The following PRKG1 variants were observed in gnomAD, a reference collection of about 807,000 sequenced individuals.
The protein encoded by PRKG1 is cGMP-dependent protein kinase 1.
Under a neutral mutation model 88.1 loss-of-function variants are expected in PRKG1, and 35 were observed. That is an observed-to-expected ratio of 0.40 (90% CI 0.30 to 0.53). The LOEUF is 0.53. Ranked by LOEUF, PRKG1 falls within the 20% of genes least tolerant of loss-of-function variation. PRKG1 has a pLI of 0.59. For synonymous variants in PRKG1, 303 were observed against 292.5 expected, an observed-to-expected ratio of 1.04 and a Z score of -0.37; for missense variants, 540 against 839.8, an observed-to-expected ratio of 0.64 and a Z score of 4.41.
At chr10:52,105,435 G>T (rs78326059) in intron 7 of PRKG1, among the ~76,000 whole-genome samples, 1,527 of 152,208 alleles carry the variant, frequency 0.01, 22 homozygotes, top group African/African-American at 0.031. Context: ...ACCCTGAAGG[G>T]CCACGTAGAA....
At chr10:51,075,340 A>C (rs941259377) in intron 1 of PRKG1, among the ~76,000 whole-genome samples, 1 of 152,128 alleles carries the variant, frequency 6.6e-6, no homozygotes, top group African/African-American at 2.4e-5. Context: ...CATACTTTCT[A>C]TGCTTTTGTG....
intron 8 of PRKG1, among the ~76,000 whole-genome samples, chr10:52,142,491 T>C (rs1376072390): frequency 6.6e-6 from 1 of 152,160 alleles, no homozygotes; most frequent in Non-Finnish European, 1.5e-5. Flanking sequence ...AATATTTTCA[T>C]TGAATTAAAT....
chr10:51,836,732 A>G (rs74132451), intron 4 of PRKG1, among the ~76,000 whole-genome samples: 1,953 of 152,310 alleles, frequency 0.013, 52 homozygotes, highest in African/African-American at 0.045. Flanking sequence ...TAATCCTATT[A>G]AAAATAAACA....
At chr10:51,190,035 G>A (rs1365071465) in intron 2 of PRKG1, among the ~76,000 whole-genome samples, 2 of 151,908 alleles carry the variant, frequency 1.3e-5, no homozygotes, top group Non-Finnish European at 1.5e-5. Context: ...CCTTAGAAAT[G>A]TGAAGTCAAA....
chr10:51,735,084 C>T (rs1290270834), intron 3 of PRKG1, among the ~76,000 whole-genome samples: 1 of 152,156 alleles, frequency 6.6e-6, no homozygotes, highest in Non-Finnish European at 1.5e-5. Context: ...AGAGCACACA[C>T]CTACCATCCC....
At chr10:52,160,884 C>A (rs1838260056) in intron 8 of PRKG1, among the ~76,000 whole-genome samples, 1 of 151,840 alleles carries the variant, frequency 6.6e-6, no homozygotes, top group East Asian at 1.9e-4. Context: ...AAAGAATTAA[C>A]TTTTATTTTG....
At chr10:52,036,775 G>A (rs1298940589) in intron 5 of PRKG1, among the ~76,000 whole-genome samples, 3 of 152,124 alleles carry the variant, frequency 2.0e-5, no homozygotes, top group Middle Eastern at 3.2e-3. Flanking sequence ...TAACTAAAAA[G>A]GAGTGCTTAA....
chr10:52,025,031 G>A (rs1243690759), intron 5 of PRKG1, among the ~76,000 whole-genome samples: 2 of 152,140 alleles, frequency 1.3e-5, no homozygotes, highest in African/African-American at 2.4e-5. Flanking sequence ...TCTAACTGGT[G>A]TGAGATGGTA....
intron 3 of PRKG1, among the ~76,000 whole-genome samples, chr10:51,561,309 G>A (rs1409014472): frequency 2.0e-5 from 3 of 151,678 alleles, no homozygotes; most frequent in African/African-American, 7.3e-5. Flanking sequence ...CAGCCTGGGT[G>A]ACAAGAGAGA....
chr10:52,045,830 CTTTG>C (rs1015481493), intron 5 of PRKG1, among the ~76,000 whole-genome samples: 10 of 147,784 alleles, frequency 6.8e-5, no homozygotes, highest in African/African-American at 2.4e-4. Context: ...TTAGAGCTCT[CTTTG>C]TTTGATATCC....
chr10:51,259,536 C>T (rs959999788), intron 2 of PRKG1, among the ~76,000 whole-genome samples: 8 of 152,150 alleles, frequency 5.3e-5, no homozygotes, highest in Non-Finnish European at 1.2e-4. Context: ...TGCAGTAGCA[C>T]AATCTTGGCT....
At chr10:51,085,020 A>G (rs186393566) in intron 1 of PRKG1, among the ~76,000 whole-genome samples, 1 of 152,242 alleles carries the variant, frequency 6.6e-6, no homozygotes, top group Non-Finnish European at 1.5e-5. Context: ...TATGGTTTTG[A>G]CAATGCTTCT....
At chr10:51,381,086 A>G (rs946555054) in intron 2 of PRKG1, among the ~76,000 whole-genome samples, 35 of 151,342 alleles carry the variant, frequency 2.3e-4, no homozygotes, top group African/African-American at 7.7e-4. Flanking sequence ...GTGAAACCCC[A>G]TCTCTACTAA....
At chr10:51,338,130 C>T (rs1222621216) in intron 2 of PRKG1, among the ~76,000 whole-genome samples, 2 of 152,200 alleles carry the variant, frequency 1.3e-5, no homozygotes, top group African/African-American at 4.8e-5. Flanking sequence ...CCAAACACTG[C>T]ATGCTCTTAC....
At chr10:52,126,181 G>A (rs931757792) in intron 7 of PRKG1, among the ~76,000 whole-genome samples, 6 of 152,026 alleles carry the variant, frequency 3.9e-5, no homozygotes, top group Admixed American at 3.3e-4. Flanking sequence ...GGAGGTGGTG[G>A]TGGGGCAGGG....
intron 7 of PRKG1, among the ~76,000 whole-genome samples, chr10:52,080,187 G>A (rs960196843): frequency 1.3e-5 from 2 of 152,086 alleles, no homozygotes; most frequent in Non-Finnish European, 2.9e-5. Flanking sequence ...CTGCCTCTGC[G>A]TATTTAAATA....
At chr10:52,164,335 G>A (rs890238076) in intron 9 of PRKG1, among the ~76,000 whole-genome samples, 1 of 151,210 alleles carries the variant, frequency 6.6e-6, no homozygotes, top group Non-Finnish European at 1.5e-5. Flanking sequence ...TGGGCGACCA[G>A]AGCAAAACTC....
intron 5 of PRKG1, among the ~76,000 whole-genome samples, chr10:51,918,749 C>T (rs1842398590): frequency 6.6e-6 from 1 of 152,174 alleles, no homozygotes; most frequent in African/African-American, 2.4e-5. Flanking sequence ...TTGATAGCAT[C>T]TGAGCAGATC....
intron 1 of PRKG1, among the ~76,000 whole-genome samples, chr10:51,085,436 T>C (rs1222875192): frequency 6.6e-6 from 1 of 152,058 alleles, no homozygotes; most frequent in Non-Finnish European, 1.5e-5. Flanking sequence ...AATAAGAAAA[T>C]ATGCACTGGA....
Sources: gnomAD v4.1 joint callset for allele counts (sites outside exome capture counted in the v4.1 genomes callset) on GRCh38, gnomAD v4.1.1 for gene constraint, MANE v1.5 for transcripts, NCBI Gene and HGNC (gene_info 2026-07-23, HGNC 2026-07-21) for gene names.